The following SGTA variants were observed in gnomAD, a reference collection of about 807,000 sequenced individuals.
SGTA encodes small glutamine-rich tetratricopeptide repeat-containing protein alpha.
SGTA carries 22 observed loss-of-function variants against 44.3 expected under a neutral mutation model. That is an observed-to-expected ratio of 0.50 (90% CI 0.36 to 0.71). The LOEUF (loss-of-function observed/expected upper bound fraction) is 0.71. Ranked by LOEUF, SGTA falls within the 30% of genes least tolerant of loss-of-function variation. SGTA has a pLI of 0.00. For missense variants in SGTA, 341 were observed against 435.9 expected (o/e 0.78, Z 1.94); for synonymous variants, 174 against 177.6 (o/e 0.98, Z 0.16).
rs1446125033 is a variant in SGTA, at chr19:2,783,216, C to G, written c.-24+17G>C. On this transcript the variant is annotated intron_variant, in intron 1 of 11. Transcript: ENST00000221566. Reference sequence around the variant, plus strand: ...GACCCCAGACCCACCAGGCTCAGCGCAGTGCCCCTCACTCACCTCTCAGGC... The same window carrying G: ...GACCCCAGACCCACCAGGCTCAGCGGAGTGCCCCTCACTCACCTCTCAGGC... 1 of 152,322 alleles carries G rather than the reference C, an allele frequency of 6.6e-6. No homozygotes were observed. 9.4% of individuals were successfully genotyped at this position (152,322 alleles called of 1,614,324 possible).
chr19:2,779,006 G>A (rs976601392), intron 1 of SGTA, among the ~76,000 whole-genome samples: 17 of 152,082 alleles, frequency 1.1e-4, no homozygotes, highest in African/African-American at 3.9e-4. Context: ...GGATGATTCT[G>A]TCCTGCGCAC....
At chr19:2,768,686 G>A (rs1457773797) in intron 2 of SGTA, among the ~76,000 whole-genome samples, 1 of 152,240 alleles carries the variant, frequency 6.6e-6, no homozygotes, top group Non-Finnish European at 1.5e-5. Context: ...ACACACCTTG[G>A]TGGAAGATGG....
chr19:2,779,186 C>A (rs1647888834), intron 1 of SGTA, among the ~76,000 whole-genome samples: 2 of 152,236 alleles, frequency 1.3e-5, no homozygotes, highest in Admixed American at 1.3e-4. Flanking sequence ...TCAGCTTTTT[C>A]TGTCCAAAAT....
chr19:2,765,290 A>G lies in SGTA; in HGVS notation c.293-5T>C. On this transcript the variant is annotated splice_polypyrimidine_tract_variant and splice_region_variant and intron_variant, in intron 4 of 11. Coordinates refer to ENST00000221566, the MANE Select transcript of SGTA (RefSeq NM_003021.4). The surrounding 1 kb of genome is among the most constrained non-coding windows in gnomAD (Gnocchi z 5.5). ...CCACTTTCATCTGCTCGTTTCCTAC[A>G]GGGAGAGAGGAAAACACCGGCCCGG... 1 of 1,608,972 alleles carries G rather than the reference A, an allele frequency of 6.2e-7. No homozygotes were observed. The highest frequency in any genetic ancestry group is 8.5e-7 in the Non-Finnish European group (1 of 1,175,792).
chr19:2,761,300 C>T lies in SGTA; in HGVS notation c.699+160G>A, dbSNP rs567714672. Among the ~76,000 whole-genome samples, 1,365 of 152,266 alleles carry T rather than the reference C, an allele frequency of 9.0e-3. 16 individuals are homozygous for T. The highest frequency in any genetic ancestry group is 0.012 in the Non-Finnish European group (850 of 68,002). ...CGGGTGAGGCCAGGGGTGCTGCCAG[C>T]GCCCTGCGGTGCCCAGGACGACCCC... On this transcript the variant is annotated intron_variant, in intron 8 of 11. Coordinates refer to ENST00000221566, the MANE Select transcript of SGTA (RefSeq NM_003021.4). This position sits in a 1 kb window ranked among gnomAD's most constrained non-coding sequence, Gnocchi z 5.7.
At chr19:2,782,981 G>A (rs1915605320) in intron 1 of SGTA, among the ~76,000 whole-genome samples, 1 of 152,194 alleles carries the variant, frequency 6.6e-6, no homozygotes, top group South Asian at 2.1e-4. Flanking sequence ...TTCCCCTCCC[G>A]CCGTCCTCGC....
rs1164374718 is a variant in SGTA at position 2,769,058 on chromosome 19, T to C, written c.11A>G (p.Lys4Arg). 1 of 1,613,794 alleles carries C rather than the reference T, an allele frequency of 6.2e-7. No homozygotes were observed. Among genetic ancestry groups the C allele is most frequent in the Admixed American group, 1.7e-5 (1 of 60,012 alleles). Residue 4 changes from lysine (K) to arginine (R), a missense_variant, in exon 2 of 12, where the codon AAG (lysine) becomes AGG (arginine). Lys to Arg is a conservative substitution (Grantham distance 26). Coordinates refer to ENST00000221566, the MANE Select transcript of SGTA (RefSeq NM_003021.4). MDN[K>R]KRLAYAIIQF... ...GATGATGGCGTAGGCCAGGCGCTTC[T>C]TGTTGTCCATCTTGAGCCCAGAAGA...
rs770274772 is a variant in SGTA at position 2,762,638 on chromosome 19, C to T, written c.504G>A (p.Ala168=). 1.5e-5 allele frequency: 25 copies of T among 1,613,876 alleles called. No homozygotes were observed. The highest frequency in any genetic ancestry group is 1.9e-5 in the Non-Finnish European group (22 of 1,179,954). The change falls in exon 7 of 12, where the codon GCG becomes GCA. Residue 168 remains alanine, a synonymous_variant. Transcript: ENST00000221566. ...CCACGTGCTTGTTGAGGCTGGAGAGCGCCAGGCTGGAGGAGAGCACCGGGG... is the reference window on the plus strand; with the variant it reads ...CCACGTGCTTGTTGAGGCTGGAGAGTGCCAGGCTGGAGGAGAGCACCGGGG... The part of the protein sequence containing the change: ...YSKAYGRMGL[A]LSSLNKHVEA...
At chr19:2,760,913 A>T (rs1319531865) in intron 8 of SGTA, among the ~76,000 whole-genome samples, 1 of 152,188 alleles carries the variant, frequency 6.6e-6, no homozygotes, top group African/African-American at 2.4e-5. Flanking sequence ...ACCTCCCAGG[A>T]AATGAACATG....
rs1196785698 is a variant in SGTA, at chr19:2,761,549, T to C, written c.637-27A>G. On this transcript the variant is annotated intron_variant, in intron 7 of 11. Transcript: ENST00000221566. This position sits in a 1 kb window ranked among gnomAD's most constrained non-coding sequence, Gnocchi z 5.7. ...TGAGGATGAGAACAGCCCTGGTTAG[T>C]GGGGCCTGGACCAGAGGCCACGGTG... is the stretch of plus-strand genomic sequence containing the variant. 11 of 1,546,260 alleles carry C rather than the reference T, an allele frequency of 7.1e-6. No homozygotes were observed. The East Asian group carries it at 2.4e-4, about 34-fold the overall frequency.
At position 2,763,997 on chromosome 19, in the gene SGTA, T is replaced by C. The variant is rs967229970; in HGVS notation, c.393-240A>G. ...TCAGGACTGCGACTCTGAATTTTAT[T>C]TGCAAAAAATGTTCCGATCCATGGC... On this transcript the variant is annotated intron_variant, in intron 5 of 11. Transcript: ENST00000221566. The surrounding 1 kb of genome is among the most constrained non-coding windows in gnomAD (Gnocchi z 5.8). Among the ~76,000 whole-genome samples the C allele has an allele frequency of 6.6e-6, 1 of 152,180 alleles. No individual in the cohort carries two copies. The highest frequency in any genetic ancestry group is 1.5e-5 in the Non-Finnish European group (1 of 68,034).
Position 2,764,924 on chromosome 19 carries a change from T to A in SGTA, c.392+262A>T, listed in dbSNP as rs138845474. ...GGGGGTCTTGATATGTTGCCCAGGC[T>A]AGTCCCGAACTCCTAGCCTCAAGTG... On this transcript the variant is annotated intron_variant, in intron 5 of 11. Transcript: ENST00000221566. Among the ~76,000 whole-genome samples, 235 of 152,244 alleles carry A rather than the reference T, an allele frequency of 1.5e-3. 1 individual carries two copies. The highest frequency in any genetic ancestry group is 5.4e-3 in the African/African-American group (225 of 41,544).
chr19:2,776,830 G>A (rs1915454679), intron 1 of SGTA, among the ~76,000 whole-genome samples: 2 of 152,106 alleles, frequency 1.3e-5, no homozygotes, highest in African/African-American at 4.8e-5. Context: ...AATCATGGTG[G>A]CGCACACCTG....
chr19:2,762,390 C>G (rs1599498712), intron 7 of SGTA, 116 bp downstream of exon 7: 2 of 1,048,762 alleles, frequency 1.9e-6, no homozygotes, highest in East Asian at 4.9e-5. Context: ...TGAAACAAAC[C>G]CCGGACCCTC....
intron 8 of SGTA, among the ~76,000 whole-genome samples, chr19:2,760,242 G>A (rs753024987): frequency 1.3e-5 from 2 of 152,098 alleles, no homozygotes; most frequent in Non-Finnish European, 2.9e-5. Flanking sequence ...TTATTGGTCA[G>A]GTGTAGTGGC....
chr19:2,779,056 A>C (rs898627585), intron 1 of SGTA, among the ~76,000 whole-genome samples: 1 of 152,128 alleles, frequency 6.6e-6, no homozygotes, highest in African/African-American at 2.4e-5. Flanking sequence ...CCCCCACTGC[A>C]CACCAGAAAC....
intron 9 of SGTA, among the ~76,000 whole-genome samples, chr19:2,758,164 G>A (rs760267482): frequency 6.6e-6 from 1 of 152,190 alleles, no homozygotes; most frequent in Admixed American, 6.5e-5. Flanking sequence ...GCAGTGCCCA[G>A]GACGGCCCTG....
chr19:2,769,069 C>G lies in SGTA; in HGVS notation c.-1G>C. 6.2e-7 allele frequency: 1 copy of G among 1,613,642 alleles called. No individual in the cohort carries two copies. The highest frequency in any genetic ancestry group is 8.5e-7 in the Non-Finnish European group (1 of 1,179,718). ...AGGCCAGGCGCTTCTTGTTGTCCAT[C>G]TTGAGCCCAGAAGAGGTGATACCTG... On this transcript the variant is annotated 5_prime_UTR_variant, in exon 2 of 12. Transcript: ENST00000221566.
At chr19:2,759,500 A>G in intron 8 of SGTA, 2 of 567,020 alleles carry the variant, frequency 3.5e-6, no homozygotes, top group South Asian at 4.2e-5. Flanking sequence ...TGTGACTTAA[A>G]TCCTGTTTTG....
Sources: gnomAD v4.1 joint callset for allele counts (sites outside exome capture counted in the v4.1 genomes callset) on GRCh38, gnomAD v4.1.1 for gene constraint, Gnocchi (gnomAD v3.1) non-coding constraint, MANE v1.5 for transcripts, NCBI Gene and HGNC (gene_info 2026-07-23, HGNC 2026-07-21) for gene names.